The following EIF2AK3 variants were observed in gnomAD, a reference collection of about 807,000 sequenced individuals.
EIF2AK3 encodes the protein eukaryotic translation initiation factor 2-alpha kinase 3.
Under a neutral mutation model 113.5 loss-of-function variants are expected in EIF2AK3, and 50 were observed. The ratio of observed to expected loss-of-function variants is 0.44; its 90% CI spans 0.35 to 0.56. EIF2AK3 has a LOEUF of 0.56. Ranked by LOEUF, EIF2AK3 falls within the 20% of genes least tolerant of loss-of-function variation. EIF2AK3 has a pLI of 0.00. For synonymous variants in EIF2AK3, 448 were observed against 495.4 expected (o/e 0.90, Z 1.27); for missense variants, 1,185 against 1,378.0 (o/e 0.86, Z 2.22).
At chr2:88,583,370 A>G in intron 10 of EIF2AK3, 60 bp downstream of exon 10, 2 of 1,365,580 alleles carry the variant, frequency 1.5e-6, no homozygotes, top group Non-Finnish European at 2.1e-6. Flanking sequence ...AAAAAAGTTA[A>G]ACAAGATCTT....
chr2:88,616,001 A>C (rs1188085849), intron 1 of EIF2AK3, among the ~76,000 whole-genome samples: 1 of 150,702 alleles, frequency 6.6e-6, no homozygotes. Context: ...CACACTCTAT[A>C]TGGCTTCCAG....
intron 14 of EIF2AK3, among the ~76,000 whole-genome samples, chr2:88,564,420 C>G (rs1157869888): frequency 6.6e-6 from 1 of 152,120 alleles, no homozygotes; most frequent in Non-Finnish European, 1.5e-5. Context: ...TTTTTAACTA[C>G]CAAATTTTAA....
intron 2 of EIF2AK3, among the ~76,000 whole-genome samples, chr2:88,601,640 T>C (rs1292715151): frequency 1.3e-5 from 2 of 152,166 alleles, no homozygotes; most frequent in African/African-American, 2.4e-5. Context: ...ACATAGTGTT[T>C]GCATGCCCCA....
At position 88,574,550 on chromosome 2, in the gene EIF2AK3, C is replaced by T; in HGVS notation, c.2817+116G>A. ...GAGGCTACTTTCTCAGACCTCTGCT[C>T]TCAGATGCTTTTACTCTCCCCAACT... On this transcript the variant is annotated intron_variant, in intron 13 of 16. Transcript: ENST00000303236. The T allele has an allele frequency of 2.3e-6, 3 of 1,311,740 alleles. No homozygotes were observed. In the Admixed American group the frequency reaches 6.0e-5, roughly 26 times the overall value. 81.3% of individuals were successfully genotyped at this position (1,311,740 alleles called of 1,614,324 possible).
At chr2:88,612,251 T>C (rs1675474370) in intron 2 of EIF2AK3, among the ~76,000 whole-genome samples, 1 of 152,180 alleles carries the variant, frequency 6.6e-6, no homozygotes, top group Non-Finnish European at 1.5e-5. Flanking sequence ...AACACACACA[T>C]GCTTTGAACT....
intron 14 of EIF2AK3, among the ~76,000 whole-genome samples, chr2:88,564,001 A>T (rs1337723052): frequency 1.3e-5 from 2 of 152,168 alleles, no homozygotes; most frequent in Non-Finnish European, 2.9e-5. Flanking sequence ...AAATTTATTT[A>T]TTGTTTCTAA....
chr2:88,588,275 T>G (rs1313505669), intron 7 of EIF2AK3, among the ~76,000 whole-genome samples, 171 bp from the exon 8 acceptor site: 1 of 152,176 alleles, frequency 6.6e-6, no homozygotes, highest in Non-Finnish European at 1.5e-5. Context: ...AAAGCACAGT[T>G]TTACAGAGAA....
intron 1 of EIF2AK3, 45 bp downstream of exon 1, chr2:88,626,922 C>A (rs1228159603): frequency 6.2e-7 from 1 of 1,601,504 alleles, no homozygotes; most frequent in Non-Finnish European, 8.5e-7. Flanking sequence ...CTCCGCGGCT[C>A]GCGCGCGTAA....
chr2:88,627,668 C>T (rs1017167347), upstream of EIF2AK3: 5 of 190,838 alleles, frequency 2.6e-5, no homozygotes, highest in Non-Finnish European at 3.2e-5. Context: ...TGAGAAATGC[C>T]CTTCCCCGAC....
At chr2:88,575,612 A>T (rs1190452016) in intron 12 of EIF2AK3, 166 bp from the exon 13 acceptor site, 1 of 733,720 alleles carries the variant, frequency 1.4e-6, no homozygotes, top group Non-Finnish European at 2.3e-6. Flanking sequence ...GATACAGAAC[A>T]TCACATTCCA....
At position 88,627,302 on chromosome 2, in the gene EIF2AK3, G is replaced by A. The variant is rs1354886659; in HGVS notation, c.-28C>T. The stretch of plus-strand genomic sequence containing the variant: ...GCGTCCCGCCCCGCGCGCAGGCATG[G>A]AGGCGCAGCCACTGACGCCTGCCTC... On this transcript the variant is annotated 5_prime_UTR_variant, in exon 1 of 17. Coordinates refer to ENST00000303236, the MANE Select transcript of EIF2AK3 (RefSeq NM_004836.7). The A allele has an allele frequency of 4.1e-6, 6 of 1,473,416 alleles. No individual in the cohort carries two copies. Among genetic ancestry groups the A allele is most frequent in the African/African-American group, 2.9e-5 (2 of 68,478 alleles). 91.3% of individuals were successfully genotyped at this position (1,473,416 alleles called of 1,614,324 possible).
intron 8 of EIF2AK3, among the ~76,000 whole-genome samples, chr2:88,587,017 C>T (rs1674751647): frequency 4.1e-5 from 6 of 145,874 alleles, no homozygotes; most frequent in East Asian, 4.6e-4. Flanking sequence ...ACAGCCTGGC[C>T]AATATGGTGA....
intron 2 of EIF2AK3, among the ~76,000 whole-genome samples, chr2:88,607,734 G>A (rs1198217111): frequency 2.6e-5 from 4 of 152,196 alleles, no homozygotes; most frequent in Admixed American, 1.3e-4. Flanking sequence ...AGCAAGCCAG[G>A]AGGCAAGTAT....
chr2:88,590,531 T>C lies in EIF2AK3; in HGVS notation c.1077A>G (p.Thr359=). ...AAACATCATCATTAGATGTATAACT[T>C]GTATCATCAAAAAGACTGATGGGAA... ...KVIPISLFDD[T]SYTSNDDVLE... Residue 359 remains threonine, a synonymous_variant, in exon 6 of 17, where the codon ACA becomes ACG. Transcript: ENST00000303236. The C allele has an allele frequency of 6.2e-7, 1 of 1,613,738 alleles. No homozygotes were observed. The highest frequency in any genetic ancestry group is 8.5e-7 in the Non-Finnish European group (1 of 1,179,924).
At position 88,570,998 on chromosome 2, in the gene EIF2AK3, C is replaced by A; in HGVS notation, c.2861G>T (p.Gly954Val). 6.2e-7 allele frequency: 1 copy of A among 1,614,132 alleles called. No individual in the cohort carries two copies. Among genetic ancestry groups the A allele is most frequent in the Non-Finnish European group, 8.5e-7 (1 of 1,180,032 alleles). The change falls in exon 14 of 17, where the codon GGA becomes GTA. Residue 954 changes from glycine to valine, a missense_variant. Coordinates refer to ENST00000303236, the MANE Select transcript of EIF2AK3 (RefSeq NM_004836.7). The part of the protein sequence containing the change: ...FFTMDDVVKV[G>V]DFGLVTAMDQ... ...CATTGCAGTCACTAACCCAAAGTCT[C>A]CAACCTTGACCACATCATCCATTGT...
Position 88,575,350 on chromosome 2 carries a change from G to T in EIF2AK3, c.2133C>A (p.Ile711=). 1 of 1,614,148 alleles carries T rather than the reference G, an allele frequency of 6.2e-7. No homozygotes were observed. Residue 711 remains isoleucine (I), a synonymous_variant, in exon 13 of 17, where the codon ATC becomes ATA. Transcript: ENST00000303236. ...DPFATKEHIE[I]IAPSPQRSRS... is the part of the protein sequence containing the mutation. ...TGCTTCTTTGTGGTGAAGGAGCTAT[G>T]ATTTCAATATGTTCTTTTGTAGCGA...
chr2:88,558,078 A>G, intron 16 of EIF2AK3, 142 bp from the exon 17 acceptor site: 1 of 772,388 alleles, frequency 1.3e-6, no homozygotes, highest in Non-Finnish European at 2.2e-6. Context: ...TGATACAACT[A>G]CTCAGCTCTG....
At chr2:88,620,370 A>C (rs1675692218) in intron 1 of EIF2AK3, among the ~76,000 whole-genome samples, 1 of 152,196 alleles carries the variant, frequency 6.6e-6, no homozygotes, top group African/African-American at 2.4e-5. Context: ...TCCACCTGCC[A>C]AATGAACACT....
intron 16 of EIF2AK3, 108 bp from the exon 17 acceptor site, chr2:88,558,044 G>T: frequency 2.5e-6 from 3 of 1,179,626 alleles, no homozygotes; most frequent in Non-Finnish European, 3.7e-6. Context: ...AAGCTTTTGA[G>T]CCATATTCGA....
Sources: allele counts gnomAD v4.1 joint callset (sites outside exome capture counted in the v4.1 genomes callset), GRCh38; gene constraint gnomAD v4.1.1; transcripts MANE v1.5; gene names NCBI Gene and HGNC (gene_info 2026-07-23, HGNC 2026-07-21).